CRYBG3: variants seen among roughly 807,000 people sequenced by gnomAD.
CRYBG3 encodes the protein very large A-kinase anchor protein.
In CRYBG3, 127 loss-of-function variants were observed where a neutral mutation model predicts 244.2. The observed-to-expected ratio is 0.52, with a 90% CI of 0.45 to 0.60. CRYBG3 has a LOEUF of 0.60. Ranked by LOEUF, CRYBG3 falls within the 20% of genes least tolerant of loss-of-function variation. The probability of loss-of-function intolerance (pLI) is 0.00; values close to 1 mark genes in which losing one functional copy is unlikely to be tolerated. For missense variants in CRYBG3, 3,325 were observed against 3,442.5 expected (o/e 0.97, Z 0.85); for synonymous variants, 1,132 against 1,195.8 (o/e 0.95, Z 1.10).
chr3:97,829,307 C>G (rs2038622378), intron 1 of CRYBG3, among the ~76,000 whole-genome samples: 1 of 152,132 alleles, frequency 6.6e-6, no homozygotes, highest in Admixed American at 6.5e-5. Flanking sequence ...AGGAGTGAGA[C>G]TTTTCTATAT....
chr3:97,894,947 G>C (rs1372335722), intron 11 of CRYBG3, among the ~76,000 whole-genome samples: 1 of 152,130 alleles, frequency 6.6e-6, no homozygotes, highest in Non-Finnish European at 1.5e-5. Context: ...GGGAGAGGGA[G>C]TAACAATCAA....
At position 97,873,136 on chromosome 3, in the gene CRYBG3, A is replaced by G. The variant is rs2039325478; in HGVS notation, c.1942A>G (p.Lys648Glu). ...TAAAACATCTCTTAGCCTTGACTGT[A>G]AAAAACTAAATTTCAGTATTTCACC... is the stretch of plus-strand genomic sequence containing the variant. Reference protein sequence around the residue: ...DAKTSLSLDCKKLNFSISPPT... With the variant: ...DAKTSLSLDCEKLNFSISPPT... Residue 648 changes from lysine (K) to glutamate (E), a missense_variant, in exon 4 of 22, where the codon AAA (lysine) becomes GAA (glutamate). By Grantham distance (56) the Lys-to-Glu change is moderately conservative. Transcript: ENST00000389622. The G allele has an allele frequency of 1.3e-6, 2 of 1,535,792 alleles. No individual in the cohort carries two copies. Among genetic ancestry groups the G allele is most frequent in the Non-Finnish European group, 1.7e-6 (2 of 1,146,718 alleles).
chr3:97,940,995 A>G (rs1310321167), intron 19 of CRYBG3, among the ~76,000 whole-genome samples, 153 bp from the exon 20 acceptor site: 1 of 152,028 alleles, frequency 6.6e-6, no homozygotes, highest in African/African-American at 2.4e-5. Flanking sequence ...GATTTACCAT[A>G]TTAATCTATG....
At chr3:97,930,337 G>A (rs2040084125) in intron 17 of CRYBG3, among the ~76,000 whole-genome samples, 1 of 152,048 alleles carries the variant, frequency 6.6e-6, no homozygotes. Flanking sequence ...AATCTTGAGA[G>A]TGAAGATGTT....
chr3:97,895,859 T>C (rs2108236386), intron 11 of CRYBG3, 100 bp from the exon 12 acceptor site: 1 of 1,027,320 alleles, frequency 9.7e-7, no homozygotes, highest in Non-Finnish European at 1.4e-6. Context: ...TTTTACAATA[T>C]GGAGATGAAC....
intron 7 of CRYBG3, among the ~76,000 whole-genome samples, chr3:97,885,627 G>C (rs2039498968): frequency 6.6e-6 from 1 of 152,104 alleles, no homozygotes; most frequent in Non-Finnish European, 1.5e-5. Flanking sequence ...TTGAAAGTAA[G>C]AATACAAAGA....
At chr3:97,936,481 C>T (rs1257744458) in intron 18 of CRYBG3, among the ~76,000 whole-genome samples, 3 of 151,846 alleles carry the variant, frequency 2.0e-5, no homozygotes, top group African/African-American at 7.3e-5. Flanking sequence ...TATGGTCTGC[C>T]TTTAAATGTT....
In CRYBG3 at chr3:97,872,905, G is replaced by C. The variant is rs756640880; in HGVS notation, c.1711G>C (p.Asp571His). Residue 571 changes from aspartate to histidine, a missense_variant, in exon 4 of 22, where the codon GAT (aspartate) becomes CAT (histidine). Around this residue, in one of 4 missense-constraint regions of CRYBG3, gnomAD observed 1,526 missense variants for 1,443.2 expected, o/e 1.06. Coordinates refer to ENST00000389622, the MANE Select transcript of CRYBG3 (RefSeq NM_153605.4). ...QYFETKAKKLDFRSHDKIPHI... is the reference protein window; with the variant it reads ...QYFETKAKKLHFRSHDKIPHI... ...CTTTGAAACCAAAGCCAAAAAGCTT[G>C]ATTTTAGGTCACATGATAAAATTCC... is the stretch of plus-strand genomic sequence containing the variant. The C allele has an allele frequency of 6.5e-7, 1 of 1,530,046 alleles. No homozygotes were observed. The allele number at this position is 1,530,046 out of a possible 1,614,324, so 94.8% of individuals were successfully genotyped here.
chr3:97,905,193 G>A (rs1045816827), intron 15 of CRYBG3, among the ~76,000 whole-genome samples: 24 of 151,800 alleles, frequency 1.6e-4, no homozygotes, highest in African/African-American at 4.1e-4. Flanking sequence ...GAATAATGCC[G>A]CAATAAATAT....
Position 97,874,706 on chromosome 3 carries a change from G to A in CRYBG3, c.3512G>A (p.Cys1171Tyr). ...TCAGTTAACAGCTCAGGCCAACAGT[G>A]TTCTGAAGCCTCTGCTGAGCACATA... ...AASVNSSGQQ[C>Y]SEASAEHIEA... The change falls in exon 4 of 22, where the codon TGT (cysteine) becomes TAT (tyrosine). Residue 1171 changes from cysteine (C) to tyrosine (Y), a missense_variant. Cys to Tyr is a radical substitution (Grantham distance 194, BLOSUM62 -2). Around this residue, in one of 4 missense-constraint regions of CRYBG3, gnomAD observed 1,526 missense variants for 1,443.2 expected, o/e 1.06. Transcript: ENST00000389622. 1 of 1,535,728 alleles carries A rather than the reference G, an allele frequency of 6.5e-7. No homozygotes were observed. Among genetic ancestry groups the A allele is most frequent in the Non-Finnish European group, 8.7e-7 (1 of 1,146,748 alleles).
chr3:97,929,140 A>C (rs2040070607), intron 17 of CRYBG3, among the ~76,000 whole-genome samples: 1 of 152,144 alleles, frequency 6.6e-6, no homozygotes, highest in Admixed American at 6.6e-5. Flanking sequence ...TGCATGATTT[A>C]GACTTAATCC....
intron 16 of CRYBG3, 21 bp from the exon 17 acceptor site, chr3:97,915,589 G>T (rs779316588): frequency 1.2e-6 from 2 of 1,600,996 alleles, no homozygotes; most frequent in Non-Finnish European, 1.7e-6. Flanking sequence ...TTGATTGAAT[G>T]TCTTACTGCT....
intron 17 of CRYBG3, 138 bp downstream of exon 17, chr3:97,915,874 C>A: frequency 1.4e-6 from 1 of 699,004 alleles, no homozygotes; most frequent in Non-Finnish European, 2.2e-6. Flanking sequence ...ATTCATTTGT[C>A]AATCGTAAAA....
chr3:97,879,484 G>A (rs958131465), intron 4 of CRYBG3, among the ~76,000 whole-genome samples: 1 of 152,112 alleles, frequency 6.6e-6, no homozygotes, highest in Non-Finnish European at 1.5e-5. Context: ...ATGATCATCT[G>A]TTTGACCCAT....
intron 17 of CRYBG3, among the ~76,000 whole-genome samples, chr3:97,920,764 AAGGG>A (rs1204205779): frequency 6.6e-6 from 1 of 152,128 alleles, no homozygotes; most frequent in Non-Finnish European, 1.5e-5. Flanking sequence ...TCCTGACCTC[AAGGG>A]ATCTGCCTGC....
intron 17 of CRYBG3, among the ~76,000 whole-genome samples, chr3:97,925,645 G>C (rs1431724964): frequency 1.3e-5 from 2 of 152,000 alleles, no homozygotes; most frequent in Non-Finnish European, 2.9e-5. Context: ...ACCATTAATA[G>C]AAACAGAAAA....
chr3:97,922,716 A>T (rs1488933815), intron 17 of CRYBG3, among the ~76,000 whole-genome samples: 1 of 152,170 alleles, frequency 6.6e-6, no homozygotes, highest in African/African-American at 2.4e-5. Context: ...GTGGAGAAAT[A>T]GGAACACTTT....
At chr3:97,925,451 C>T (rs1235220130) in intron 17 of CRYBG3, among the ~76,000 whole-genome samples, 1 of 151,908 alleles carries the variant, frequency 6.6e-6, no homozygotes, top group Non-Finnish European at 1.5e-5. Context: ...TCTGTTGCAG[C>T]TATGATGGAT....
At chr3:97,824,703 T>C (rs2038555830) in intron 1 of CRYBG3, among the ~76,000 whole-genome samples, 1 of 152,180 alleles carries the variant, frequency 6.6e-6, no homozygotes, top group South Asian at 2.1e-4. Flanking sequence ...TATCCCAACT[T>C]AGGCGTAGGC....
Sources: allele counts gnomAD v4.1 joint callset (sites outside exome capture counted in the v4.1 genomes callset), GRCh38; gene constraint gnomAD v4.1.1; regional missense constraint gnomAD v4.1.1; transcripts MANE v1.5; gene names NCBI Gene and HGNC (gene_info 2026-07-23, HGNC 2026-07-21).